SPOCK3: variants seen among roughly 807,000 people sequenced by gnomAD.
SPOCK3 encodes the protein SPARC (osteonectin), cwcv and kazal like domains proteoglycan 3.
SPOCK3 carries 30 observed loss-of-function variants against 56.6 expected under a neutral mutation model. The ratio of observed to expected loss-of-function variants is 0.53; its 90% CI spans 0.40 to 0.72. The LOEUF (loss-of-function observed/expected upper bound fraction) is 0.72. Among genes scored for constraint, SPOCK3 ranks in the 30% least tolerant of loss-of-function variants. The pLI, the probability that SPOCK3 is intolerant of heterozygous loss-of-function variation, is 0.00. For synonymous variants in SPOCK3, 196 were observed against 183.3 expected (o/e 1.07, Z -0.56); for missense variants, 527 against 530.0 (o/e 0.99, Z 0.06).
chr4:167,133,914 T>C (rs996269579), intron 2 of SPOCK3, among the ~76,000 whole-genome samples: 9 of 152,196 alleles, frequency 5.9e-5, no homozygotes, highest in African/African-American at 2.2e-4. Context: ...GAATCTGTTG[T>C]TCTTCAAAAT....
In SPOCK3 at chr4:166,741,986, C is replaced by T. The variant is rs748592564; in HGVS notation, c.994+11G>A. On this transcript the variant is annotated intron_variant, in intron 9 of 10. Coordinates refer to ENST00000357545, the MANE Select transcript of SPOCK3 (RefSeq NM_001040159.2). ...GCAATAAAGCCTTCAGAAGAATGAT[C>T]TATTACTCACCTAGGAGCTTCTTTA... The T allele has an allele frequency of 1.9e-6, 3 of 1,595,594 alleles. No individual in the cohort carries two copies. Among genetic ancestry groups the T allele is most frequent in the Non-Finnish European group, 2.6e-6 (3 of 1,163,952 alleles).
chr4:167,148,000 C>T (rs72699670), intron 2 of SPOCK3, among the ~76,000 whole-genome samples: 1,982 of 152,042 alleles, frequency 0.013, 19 homozygotes, highest in Non-Finnish European at 0.02. Flanking sequence ...AAAATACTGC[C>T]GATAAAACAA....
intron 7 of SPOCK3, among the ~76,000 whole-genome samples, chr4:166,770,017 G>A (rs914808184): frequency 6.6e-5 from 10 of 152,120 alleles, no homozygotes; most frequent in South Asian, 2.1e-4. Context: ...CTGGTGTGCC[G>A]TTCGCTAAGA....
In SPOCK3 at chr4:167,227,694, A is replaced by G. The variant is rs185794412; in HGVS notation, c.189+6291T>C. Among the ~76,000 whole-genome samples the G allele has an allele frequency of 2.4e-4, 37 of 152,298 alleles. No individual in the cohort carries two copies. The East Asian group carries it at 6.4e-3, about 26-fold the overall frequency. On this transcript the variant is annotated intron_variant, in intron 2 of 10. Coordinates refer to ENST00000357545, the MANE Select transcript of SPOCK3 (RefSeq NM_001040159.2). Reference sequence around the variant, plus strand: ...CAGGAGCTTACAGGACTTGGATAGTATTTACAGAAGTCAAAGATCAGCCTT... The same window carrying G: ...CAGGAGCTTACAGGACTTGGATAGTGTTTACAGAAGTCAAAGATCAGCCTT...
intron 2 of SPOCK3, among the ~76,000 whole-genome samples, chr4:167,087,724 G>A (rs1431251686): frequency 6.6e-6 from 1 of 152,118 alleles, no homozygotes; most frequent in Non-Finnish European, 1.5e-5. Context: ...CACCATTATT[G>A]ACATGGAAGA....
chr4:166,945,467 T>C (rs908343397), intron 4 of SPOCK3, among the ~76,000 whole-genome samples: 5 of 152,222 alleles, frequency 3.3e-5, no homozygotes, highest in Admixed American at 6.5e-5. Flanking sequence ...TTTTCTTTCA[T>C]ATGTTATCTG....
chr4:166,932,700 A>C (rs76519080), intron 4 of SPOCK3, among the ~76,000 whole-genome samples: 3,941 of 152,280 alleles, frequency 0.026, 80 homozygotes, highest in Middle Eastern at 0.065. Flanking sequence ...ATTCAACCTC[A>C]TGAGAATGTA....
chr4:167,004,746 C>T (rs915942089), intron 3 of SPOCK3, among the ~76,000 whole-genome samples: 11 of 151,558 alleles, frequency 7.3e-5, no homozygotes, highest in Admixed American at 3.3e-4. Context: ...GGAAATTGGT[C>T]GAAATAAAAG....
chr4:167,110,883 T>C (rs1054167549), intron 2 of SPOCK3, among the ~76,000 whole-genome samples: 1 of 152,032 alleles, frequency 6.6e-6, no homozygotes, highest in African/African-American at 2.4e-5. Flanking sequence ...CCATATAATT[T>C]ATTATACTGG....
intron 4 of SPOCK3, among the ~76,000 whole-genome samples, chr4:166,997,868 AGTTGTT>A (rs1455223105): frequency 6.6e-6 from 1 of 152,108 alleles, no homozygotes; most frequent in Non-Finnish European, 1.5e-5. Context: ...AGAAAGAATA[AGTTGTT>A]CCTTTAAACA....
intron 2 of SPOCK3, among the ~76,000 whole-genome samples, chr4:167,090,313 A>T (rs6822214): frequency 0.12 from 17,606 of 151,028 alleles, 1,291 homozygotes; most frequent in African/African-American, 0.21. Flanking sequence ...TTTTCACCCC[A>T]TTTTTTGGGT....
chr4:167,001,742 C>CA (rs1316067395), intron 3 of SPOCK3, among the ~76,000 whole-genome samples: 1 of 151,814 alleles, frequency 6.6e-6, no homozygotes, highest in Non-Finnish European at 1.5e-5. Context: ...ATATGGTAAA[C>CA]AAAAAATTCT....
intron 4 of SPOCK3, among the ~76,000 whole-genome samples, chr4:166,970,022 C>A (rs575040612): frequency 6.6e-6 from 1 of 152,300 alleles, no homozygotes; most frequent in African/African-American, 2.4e-5. Context: ...TTCAGTCTAT[C>A]AAATGCAAAT....
intron 6 of SPOCK3, among the ~76,000 whole-genome samples, chr4:166,850,054 C>T (rs1024594101): frequency 1.4e-4 from 22 of 152,216 alleles, no homozygotes; most frequent in Non-Finnish European, 1.5e-5. Flanking sequence ...CAGATCTACA[C>T]ATTTTTCTTT....
intron 2 of SPOCK3, among the ~76,000 whole-genome samples, chr4:167,092,928 TTC>T: frequency 6.6e-6 from 1 of 152,340 alleles, no homozygotes; most frequent in Non-Finnish European, 1.5e-5. Context: ...TAGCGAGTTT[TTC>T]ATTTGTCTAT....
intron 5 of SPOCK3, among the ~76,000 whole-genome samples, chr4:166,896,907 ACCCTTCCC>A (rs1735442475): frequency 6.6e-6 from 1 of 151,956 alleles, no homozygotes; most frequent in African/African-American, 2.4e-5. Flanking sequence ...AGAGAGCTCA[ACCCTTCCC>A]CCCTTCACCA....
At chr4:166,825,668 G>A (rs544991376) in intron 6 of SPOCK3, among the ~76,000 whole-genome samples, 170 of 152,068 alleles carry the variant, frequency 1.1e-3, no homozygotes, top group Admixed American at 2.2e-3. Flanking sequence ...GTATATTCAG[G>A]ATGGAATATA....
chr4:167,193,612 C>G (rs1732666149), intron 2 of SPOCK3, among the ~76,000 whole-genome samples: 1 of 145,776 alleles, frequency 6.9e-6, no homozygotes, highest in South Asian at 2.1e-4. Flanking sequence ...ATATATTTGT[C>G]TTTATCAGTG....
At chr4:167,129,122 C>CTT (rs1020410911) in intron 2 of SPOCK3, among the ~76,000 whole-genome samples, 3 of 152,192 alleles carry the variant, frequency 2.0e-5, no homozygotes, top group African/African-American at 7.2e-5. Flanking sequence ...AACGTACTGC[C>CTT]TTTGAGACAT....
Sources: allele counts gnomAD v4.1 joint callset (sites outside exome capture counted in the v4.1 genomes callset), GRCh38; gene constraint gnomAD v4.1.1; transcripts MANE v1.5; gene names NCBI Gene and HGNC (gene_info 2026-07-23, HGNC 2026-07-21).